Variants in GAP43 observed in about 807,000 individuals in gnomAD.
GAP43 encodes the protein growth associated protein 43, also known as neuromodulin.
A neutral mutation model predicts 18.6 loss-of-function variants in GAP43; 6 were observed. The ratio of observed to expected loss-of-function variants is 0.32; its 90% confidence interval spans 0.18 to 0.64. The LOEUF (loss-of-function observed/expected upper bound fraction) is 0.64, where lower values mean the gene tolerates loss of function less well. Ranked by LOEUF, GAP43 falls within the 30% of genes least tolerant of loss-of-function variation. The pLI, the probability that GAP43 is intolerant of heterozygous loss-of-function variation, is 0.78. For synonymous variants in GAP43, 115 were observed against 111.4 expected, an observed-to-expected ratio of 1.03 and a Z score of -0.20; for missense variants, 292 against 295.5, an observed-to-expected ratio of 0.99 and a Z score of 0.09.
At position 115,698,146 on chromosome 3, in the gene GAP43, T is replaced by TAAA. The variant is rs1559804297; in HGVS notation, c.628+21537_628+21538insAAA. Reference sequence around the variant, plus strand: ...TATTATATATAATATATATAATATATATTATATATAATATATAAAATATAT... The same window carrying TAAA: ...TATTATATATAATATATATAATATATAAAATTATATATAATATATAAAATATAT... On this transcript the variant is annotated intron_variant, in intron 2 of 2. Transcript: ENST00000305124. Among the ~76,000 whole-genome samples, 66 of 9,390 alleles carry TAAA rather than the reference T, an allele frequency of 7.0e-3. 1 individual carries two copies. The highest frequency in any genetic ancestry group is 0.017 in the East Asian group (1 of 58). The allele number at this position is 9,390 out of a possible 152,430, so 6.2% of individuals were successfully genotyped here.
chr3:115,663,792 G>A (rs1194026813), intron 1 of GAP43: 3 of 1,551,732 alleles, frequency 1.9e-6, no homozygotes, highest in Non-Finnish European at 2.6e-6. Flanking sequence ...ACAAAGTCCT[G>A]CTCTGAATTA....
At position 115,676,135 on chromosome 3, in the gene GAP43, C is replaced by T; in HGVS notation, c.153C>T (p.Leu51=). 1 of 1,614,068 alleles carries T rather than the reference C, an allele frequency of 6.2e-7. No individual in the cohort carries two copies. Among genetic ancestry groups the T allele is most frequent in the South Asian group, 1.1e-5 (1 of 91,066 alleles). ...GTGGACACATAACAAGGAAAAAGCT[C>T]AAAGGAGAGAAGAAGGATGATGTCC... ...SFRGHITRKK[L]KGEKKDDVQA... is the part of the protein sequence containing the mutation. The change falls in exon 2 of 3, where the codon CTC becomes CTT. Residue 51 remains leucine (L), a synonymous_variant. Transcript: ENST00000305124.
At chr3:115,653,450 A>C (rs1457502881) in intron 1 of GAP43, among the ~76,000 whole-genome samples, 1 of 152,100 alleles carries the variant, frequency 6.6e-6, no homozygotes, top group East Asian at 1.9e-4. Flanking sequence ...TTAAAAACAA[A>C]ATAAAATAAA....
intron 1 of GAP43, among the ~76,000 whole-genome samples, chr3:115,665,978 G>A (rs1224435028): frequency 7.0e-6 from 1 of 143,054 alleles, no homozygotes; most frequent in South Asian, 2.3e-4. Context: ...ATATGAAATA[G>A]TGGCTAAATG....
At chr3:115,694,439 A>G (rs1709157733) in intron 2 of GAP43, among the ~76,000 whole-genome samples, 1 of 152,236 alleles carries the variant, frequency 6.6e-6, no homozygotes, top group South Asian at 2.1e-4. Context: ...GGCTTCACTT[A>G]TTAGGCCCTC....
chr3:115,705,194 T>G (rs1036232894), intron 2 of GAP43, among the ~76,000 whole-genome samples: 1 of 152,182 alleles, frequency 6.6e-6, no homozygotes, highest in African/African-American at 2.4e-5. Context: ...ATTTAAAAAT[T>G]TAAATGTTAC....
intron 1 of GAP43, among the ~76,000 whole-genome samples, chr3:115,632,048 T>C (rs149958500): frequency 1.3e-5 from 2 of 152,314 alleles, no homozygotes; most frequent in African/African-American, 4.8e-5. Context: ...TCACTTCAAA[T>C]GCATTAGAAA....
intron 1 of GAP43, among the ~76,000 whole-genome samples, chr3:115,643,649 A>G (rs1177893089): frequency 6.6e-6 from 1 of 151,980 alleles, no homozygotes; most frequent in African/African-American, 2.4e-5. Context: ...ACCTGTTTAC[A>G]TCTTATCAAG....
At chr3:115,635,862 C>G (rs924642162) in intron 1 of GAP43, among the ~76,000 whole-genome samples, 1 of 152,090 alleles carries the variant, frequency 6.6e-6, no homozygotes, top group African/African-American at 2.4e-5. Context: ...ATTTTGCTGT[C>G]ATGGTTGTTG....
chr3:115,639,723 A>T lies in GAP43; in HGVS notation c.30+16004A>T, dbSNP rs140726253. Among the ~76,000 whole-genome samples the T allele has an allele frequency of 8.5e-5, 13 of 152,230 alleles. 1 individual carries two copies. The highest frequency in any genetic ancestry group is 3.1e-4 in the African/African-American group (13 of 41,568). ...AATGCTAGTAGATTTTCCTAAAGGGAAATAAAACTACAAACGGCCAGAAAA... is the reference window on the plus strand; with the variant it reads ...AATGCTAGTAGATTTTCCTAAAGGGTAATAAAACTACAAACGGCCAGAAAA... On this transcript the variant is annotated intron_variant, in intron 1 of 2. Transcript: ENST00000305124.
intron 1 of GAP43, among the ~76,000 whole-genome samples, chr3:115,657,337 G>C (rs888890132): frequency 1.4e-4 from 21 of 152,164 alleles, no homozygotes; most frequent in African/African-American, 4.6e-4. Flanking sequence ...AGGAACACTG[G>C]GTGAGATTTT....
chr3:115,640,280 G>A (rs1160929928), intron 1 of GAP43, among the ~76,000 whole-genome samples: 3 of 151,996 alleles, frequency 2.0e-5, no homozygotes, highest in Non-Finnish European at 4.4e-5. Context: ...TATGTCGAAG[G>A]TGAAGAAGAT....
chr3:115,689,257 C>A (rs985701196), intron 2 of GAP43, among the ~76,000 whole-genome samples: 2 of 152,194 alleles, frequency 1.3e-5, no homozygotes, highest in Admixed American at 1.3e-4. Flanking sequence ...GTGCCTAAAA[C>A]GACTGTGTTT....
chr3:115,669,997 A>ATTTT (rs200282076), intron 1 of GAP43, among the ~76,000 whole-genome samples: 2 of 123,504 alleles, frequency 1.6e-5, no homozygotes, highest in Admixed American at 8.6e-5. Flanking sequence ...TTTTTTTTTA[A>ATTTT]TTTTTTTTTT....
chr3:115,668,170 G>A (rs1290848902), intron 1 of GAP43, among the ~76,000 whole-genome samples: 2 of 152,138 alleles, frequency 1.3e-5, no homozygotes, highest in Non-Finnish European at 2.9e-5. Flanking sequence ...ATATCCAAAA[G>A]TTTTCTAGAG....
At chr3:115,682,729 A>G (rs1816664) in intron 2 of GAP43, among the ~76,000 whole-genome samples, 134,736 of 152,120 alleles carry the variant, frequency 0.89, 59,989 homozygotes, top group Admixed American at 0.93. Context: ...TAAAGACGGG[A>G]TTTTACCATG....
chr3:115,693,267 A>G lies in GAP43; in HGVS notation c.628+16657A>G, dbSNP rs1048009228. 7.2e-5 allele frequency among the ~76,000 whole-genome samples: 11 copies of G among 152,200 alleles called. No individual in the cohort carries two copies. The East Asian group carries it at 2.1e-3, about 29-fold the overall frequency. On this transcript the variant is annotated intron_variant, in intron 2 of 2. Transcript: ENST00000305124. ...GCATCATACCTGAATTTATTAACCA[A>G]AGGGAGTAATTGGATTTTTATTGTA...
At chr3:115,631,330 T>C (rs565045481) in intron 1 of GAP43, among the ~76,000 whole-genome samples, 21 of 152,326 alleles carry the variant, frequency 1.4e-4, no homozygotes, top group African/African-American at 5.1e-4. Flanking sequence ...ATTTAACCTT[T>C]CTGAGCCTAG....
chr3:115,629,028 C>T (rs1708227216), intron 1 of GAP43, among the ~76,000 whole-genome samples: 1 of 152,206 alleles, frequency 6.6e-6, no homozygotes, highest in East Asian at 1.9e-4. Context: ...ACTGTCCATC[C>T]AGCCTCAGAG....
Sources: gnomAD v4.1 joint callset for allele counts (sites outside exome capture counted in the v4.1 genomes callset) on GRCh38, gnomAD v4.1.1 for gene constraint, MANE v1.5 for transcripts, NCBI Gene and HGNC (gene_info 2026-07-23, HGNC 2026-07-21) for gene names.